MAP2K5: variants seen among roughly 807,000 people sequenced by gnomAD.
MAP2K5 encodes dual specificity mitogen-activated protein kinase kinase 5.
In MAP2K5, 49 loss-of-function variants were observed where a neutral mutation model predicts 83.1. The observed-to-expected ratio is 0.59, with a 90% CI of 0.47 to 0.75. The LOEUF (loss-of-function observed/expected upper bound fraction) is 0.75. MAP2K5 is among the 30% of genes least tolerant of loss of function. The pLI is 0.00. For synonymous variants in MAP2K5, 202 were observed against 191.8 expected, an observed-to-expected ratio of 1.05 and a Z score of -0.44; for missense variants, 457 against 557.5, an observed-to-expected ratio of 0.82 and a Z score of 1.82.
chr15:67,594,016 C>T (rs977340560), intron 7 of MAP2K5, among the ~76,000 whole-genome samples: 4 of 152,184 alleles, frequency 2.6e-5, no homozygotes, highest in African/African-American at 9.7e-5. Flanking sequence ...TATGGTAGTG[C>T]TTCTGGAGGC....
intron 16 of MAP2K5, among the ~76,000 whole-genome samples, chr15:67,726,012 C>T (rs1297267427): frequency 6.6e-6 from 1 of 152,224 alleles, no homozygotes; most frequent in Non-Finnish European, 1.5e-5. Context: ...AACATCTACA[C>T]TCTCTTTCTT....
At chr15:67,712,001 A>C (rs2088702785) in intron 16 of MAP2K5, among the ~76,000 whole-genome samples, 1 of 152,248 alleles carries the variant, frequency 6.6e-6, no homozygotes, top group Non-Finnish European at 1.5e-5. Context: ...TTGTTAATGT[A>C]CTGGAGTAAA....
rs999911034 is a variant in MAP2K5 at position 67,764,744 on chromosome 15, C to T, written c.1135-4858C>T. 1.3e-5 allele frequency among the ~76,000 whole-genome samples: 2 copies of T among 152,192 alleles called. No individual in the cohort carries two copies. The highest frequency in any genetic ancestry group is 2.1e-4 in the South Asian group (1 of 4,836). ...TTATCAGTGTCTGAATTAACCACCA[C>T]ATTATTGTCAGGTCCCCCTGTCACC... On this transcript the variant is annotated intron_variant, in intron 19 of 21. Coordinates refer to ENST00000178640, the MANE Select transcript of MAP2K5 (RefSeq NM_145160.3). This position sits in a 1 kb window ranked among gnomAD's most constrained non-coding sequence, Gnocchi z 4.9.
rs564735154 is a variant in MAP2K5, at chr15:67,706,692, C to T, written c.1044+3284C>T. Among the ~76,000 whole-genome samples the T allele has an allele frequency of 1.1e-4, 17 of 152,252 alleles. No individual in the cohort carries two copies. The East Asian group carries it at 3.3e-3, about 29-fold the overall frequency. On this transcript the variant is annotated intron_variant, in intron 16 of 21. Transcript: ENST00000178640. ...GAACTATAGGATTGTAGCCCCTGAC[C>T]TCTAGGGGCTTATTACCCCCACACA...
At chr15:67,656,769 G>A (rs1047070058) in intron 11 of MAP2K5, among the ~76,000 whole-genome samples, 1 of 152,144 alleles carries the variant, frequency 6.6e-6, no homozygotes, top group Non-Finnish European at 1.5e-5. Context: ...TTGCTGGACT[G>A]ATCTTTAATG....
rs901060679 is a variant in MAP2K5, at chr15:67,794,206, T to G, written c.1243-12440T>G. Among the ~76,000 whole-genome samples the G allele has an allele frequency of 2.1e-4, 32 of 152,316 alleles. No homozygotes were observed. Among genetic ancestry groups the G allele is most frequent in the Middle Eastern group, 6.8e-3 (2 of 294 alleles). ...CCACCATCAAAAACGCATTTCAGGC[T>G]TCTGTACATTTAATTTTCTTCAACA... On this transcript the variant is annotated intron_variant, in intron 21 of 21. Coordinates refer to ENST00000178640, the MANE Select transcript of MAP2K5 (RefSeq NM_145160.3). This position sits in a 1 kb window ranked among gnomAD's most constrained non-coding sequence, Gnocchi z 4.6.
Position 67,555,839 on chromosome 15 carries a change from A to G in MAP2K5, c.184+5757A>G, listed in dbSNP as rs1299370867. Among the ~76,000 whole-genome samples, 2 of 151,460 alleles carry G rather than the reference A, an allele frequency of 1.3e-5. No homozygotes were observed. Among genetic ancestry groups the G allele is most frequent in the African/African-American group, 4.9e-5 (2 of 41,198 alleles). On this transcript the variant is annotated intron_variant, in intron 2 of 21. Coordinates refer to ENST00000178640, the MANE Select transcript of MAP2K5 (RefSeq NM_145160.3). This position sits in a 1 kb window ranked among gnomAD's most constrained non-coding sequence, Gnocchi z 5.2. ...CACTCTGTCGCCCAGGCTGGAGTGC[A>G]GTGGTGTGATCTCGGCTCACTGCAA...
rs575174039 is a variant in MAP2K5, at chr15:67,804,374, C to T, written c.1243-2272C>T. On this transcript the variant is annotated intron_variant, in intron 21 of 21. Transcript: ENST00000178640. ...TGGGACAAAGGCAGTGGGTCCAGGT[C>T]GCTTCCCTTGCAGGTGGGGTAAAGT... 5.9e-5 allele frequency among the ~76,000 whole-genome samples: 9 copies of T among 152,332 alleles called. No homozygotes were observed. In the East Asian group the frequency reaches 9.6e-4, roughly 16 times the overall value.
At chr15:67,737,426 T>C (rs2089367906) in intron 17 of MAP2K5, among the ~76,000 whole-genome samples, 1 of 152,200 alleles carries the variant, frequency 6.6e-6, no homozygotes, top group South Asian at 2.1e-4. Flanking sequence ...TGAGCATAGA[T>C]TACTTTTTAG....
intron 8 of MAP2K5, among the ~76,000 whole-genome samples, chr15:67,618,134 T>G (rs532018986): frequency 5.3e-5 from 8 of 152,242 alleles, no homozygotes; most frequent in Non-Finnish European, 1.2e-4. Context: ...GACTCATCTT[T>G]AACATTTCAA....
chr15:67,590,468 T>TCTCTCTCTCTCTCTCTTTCTCA (rs59998974), intron 6 of MAP2K5, among the ~76,000 whole-genome samples: 1 of 27,226 alleles, frequency 3.7e-5, no homozygotes, highest in Non-Finnish European at 7.5e-5. Flanking sequence ...TCTCTCTCTC[T>TCTCTCTCTCTCTCTCTTTCTCA]CTCTCTCTTT....
intron 2 of MAP2K5, among the ~76,000 whole-genome samples, chr15:67,556,284 G>A (rs187313569): frequency 6.1e-4 from 92 of 151,874 alleles, no homozygotes; most frequent in African/African-American, 2.1e-3. Flanking sequence ...TCTTTTTTCC[G>A]TGGAGAAGTT....
rs540167624 is a variant in MAP2K5, at chr15:67,615,703, TTTAAAAATTATATTTTTCATTAGCTGA to T, written c.545+14955_545+14981del. Among the ~76,000 whole-genome samples the T allele has an allele frequency of 8.3e-3, 1,270 of 152,204 alleles. 38 individuals are homozygous for T. Among genetic ancestry groups the T allele is most frequent in the Admixed American group, 0.062 (944 of 15,282 alleles). ...AAATTTAAATTTATTTAATTTAAAA[TTTAAAAATTATATTTTTCATTAGCTGA>T]ACCACAGCTGGTTTACATTTAGTTA... On this transcript the variant is annotated intron_variant, in intron 8 of 21. Transcript: ENST00000178640.
In MAP2K5 at chr15:67,542,981, A is replaced by G. The variant is rs11550176; in HGVS notation, c.-355A>G. The G allele has an allele frequency of 0.13, 36,807 of 286,980 alleles. 2,715 individuals are homozygous for G. Among genetic ancestry groups the G allele is most frequent in the East Asian group, 0.2 (2,419 of 12,226 alleles). The allele number at this position is 286,980 out of a possible 1,614,324, so 17.8% of individuals were successfully genotyped here. A position where few individuals can be genotyped will look rare whatever the true frequency, so the allele number is the denominator to read the frequency against. Reference sequence around the variant, plus strand: ...GACACCTGCCGCTGTATCTCCCCCAAACCGAGTCCTTGCCCTGCTGCCTCC... The same window carrying G: ...GACACCTGCCGCTGTATCTCCCCCAGACCGAGTCCTTGCCCTGCTGCCTCC... On this transcript the variant is annotated 5_prime_UTR_variant, in exon 1 of 22. Transcript: ENST00000178640.
chr15:67,585,252 A>T (rs1018105228), intron 4 of MAP2K5, among the ~76,000 whole-genome samples: 7 of 152,152 alleles, frequency 4.6e-5, no homozygotes, highest in Admixed American at 2.0e-4. Context: ...CTGAATTGGA[A>T]AAGTACTAAC....
intron 8 of MAP2K5, among the ~76,000 whole-genome samples, chr15:67,615,827 G>T (rs2086042271): frequency 6.6e-6 from 1 of 152,128 alleles, no homozygotes; most frequent in South Asian, 2.1e-4. Flanking sequence ...GGTACTAAAA[G>T]ATTTTTGTTT....
intron 13 of MAP2K5, among the ~76,000 whole-genome samples, chr15:67,685,698 G>A (rs1174462095): frequency 1.3e-5 from 2 of 152,184 alleles, no homozygotes; most frequent in Non-Finnish European, 2.9e-5. Context: ...CATTATAAAT[G>A]AAATACCCTA....
intron 6 of MAP2K5, among the ~76,000 whole-genome samples, chr15:67,591,393 G>A (rs1045744062): frequency 2.0e-5 from 3 of 150,170 alleles, no homozygotes; most frequent in South Asian, 2.2e-4. Flanking sequence ...TATTATTATT[G>A]AGATGGAGTC....
chr15:67,577,000 A>G (rs1840526424), intron 3 of MAP2K5, among the ~76,000 whole-genome samples: 1 of 142,462 alleles, frequency 7.0e-6, no homozygotes, highest in Admixed American at 6.9e-5. Flanking sequence ...CAGTGGCGCA[A>G]TCTCGGCTCA....
Sources: allele counts gnomAD v4.1 joint callset (sites outside exome capture counted in the v4.1 genomes callset), GRCh38; gene constraint gnomAD v4.1.1; non-coding constraint Gnocchi (gnomAD v3.1); transcripts MANE v1.5; gene names NCBI Gene and HGNC (gene_info 2026-07-23, HGNC 2026-07-21).